Variants in EIF3H observed in about 807,000 individuals in gnomAD.
The protein encoded by EIF3H is eIF-3-gamma.
A neutral mutation model predicts 44.2 loss-of-function variants in EIF3H; 26 were observed. The observed-to-expected ratio is 0.59, with a 90% CI of 0.43 to 0.82. EIF3H has a LOEUF of 0.82. EIF3H is among the 40% of genes least tolerant of loss of function. The pLI, the probability that EIF3H is intolerant of heterozygous loss-of-function variation, is 0.00. For synonymous variants in EIF3H, 166 were observed against 151.9 expected, an observed-to-expected ratio of 1.09 and a Z score of -0.68; for missense variants, 359 against 432.8, an observed-to-expected ratio of 0.83 and a Z score of 1.51.
At chr8:116,713,118 A>G (rs1814602765) in intron 2 of EIF3H, among the ~76,000 whole-genome samples, 1 of 152,154 alleles carries the variant, frequency 6.6e-6, no homozygotes, top group Non-Finnish European at 1.5e-5. Flanking sequence ...CAAAAGTAAG[A>G]CAGTTTTTAT....
At chr8:116,685,340 A>C (rs1478901866) in intron 2 of EIF3H, among the ~76,000 whole-genome samples, 1 of 152,178 alleles carries the variant, frequency 6.6e-6, no homozygotes, top group Non-Finnish European at 1.5e-5. Context: ...CATAAGAAAG[A>C]ACTAGGTAGC....
intron 4 of EIF3H, 110 bp from the exon 5 acceptor site, chr8:116,656,115 T>C: frequency 3.1e-6 from 3 of 964,020 alleles, no homozygotes; most frequent in Non-Finnish European, 4.5e-6. Context: ...CTTTGTTTCA[T>C]TAGCACTCTT....
rs1404487024 is a variant in EIF3H at position 116,763,993 on chromosome 8, A to G, written c.-27+1522T>C. Among the ~76,000 whole-genome samples the G allele has an allele frequency of 2.6e-5, 4 of 152,214 alleles. No individual in the cohort carries two copies. The East Asian group carries it at 7.7e-4, about 29-fold the overall frequency. On this transcript the variant is annotated intron_variant, in intron 1 of 9. Transcript: ENST00000276682. ...CTCATGTCAACTTGGCTTCATCAAA[A>G]TTTCATGAAGAAAAAAACTTCAAAA...
chr8:116,715,622 G>C (rs766944250), intron 2 of EIF3H, among the ~76,000 whole-genome samples: 1 of 152,048 alleles, frequency 6.6e-6, no homozygotes, highest in Admixed American at 6.6e-5. Context: ...GCAAAATAAA[G>C]TAAGCTTCCT....
intron 2 of EIF3H, chr8:116,688,931 T>A: frequency 7.1e-6 from 2 of 282,222 alleles, no homozygotes; most frequent in Non-Finnish European, 1.4e-5. Context: ...AGTTACCATA[T>A]GACCCAGCAA....
chr8:116,759,729 G>A (rs188497903), upstream of EIF3H, among the ~76,000 whole-genome samples: 173 of 152,028 alleles, frequency 1.1e-3, no homozygotes, highest in African/African-American at 3.3e-3. Context: ...GTGCGTGTGC[G>A]CGCGCACACA....
intron 2 of EIF3H, among the ~76,000 whole-genome samples, chr8:116,662,654 T>C (rs1813602480): frequency 6.6e-6 from 1 of 152,026 alleles, no homozygotes; most frequent in South Asian, 2.1e-4. Flanking sequence ...TTTCAAAAAG[T>C]AGAAAGCCAA....
In EIF3H at chr8:116,644,767, T is replaced by C; in HGVS notation, c.*239A>G. 1 of 443,390 alleles carries C rather than the reference T, an allele frequency of 2.3e-6. No individual in the cohort carries two copies. 27.5% of individuals were successfully genotyped at this position (443,390 alleles called of 1,614,324 possible). The stretch of plus-strand genomic sequence containing the variant: ...CAGGGCTTGTTTTAGCTTTTAGAAA[T>C]AAACAAGTATAAGCAAACAAAAGTA... On this transcript the variant is annotated 3_prime_UTR_variant, in exon 8 of 8. Coordinates refer to ENST00000521861, the MANE Select transcript of EIF3H (RefSeq NM_003756.3).
intron 1 of EIF3H, among the ~76,000 whole-genome samples, chr8:116,743,799 A>AC (rs1563659950): frequency 2.3e-3 from 196 of 87,054 alleles, no homozygotes; most frequent in East Asian, 0.018. Context: ...TATATATATA[A>AC]ACACACACAC....
At chr8:116,709,981 G>A (rs1325400236) in intron 2 of EIF3H, among the ~76,000 whole-genome samples, 1 of 152,176 alleles carries the variant, frequency 6.6e-6, no homozygotes, top group Non-Finnish European at 1.5e-5. Flanking sequence ...AGTTGGACTG[G>A]TTACAAAGGA....
chr8:116,642,543 T>G lies in EIF3H; in HGVS notation c.*2463A>C, dbSNP rs994702142. ...TTATTATCAATGATTAGAAAGTTAATGTCAAATATCTTCTACTTTCTTGGT... is the reference window on the plus strand; with the variant it reads ...TTATTATCAATGATTAGAAAGTTAAGGTCAAATATCTTCTACTTTCTTGGT... On this transcript the variant is annotated 3_prime_UTR_variant, in exon 8 of 8. Coordinates refer to ENST00000521861, the MANE Select transcript of EIF3H (RefSeq NM_003756.3). 1 of 150,944 alleles carries G rather than the reference T, an allele frequency of 6.6e-6. No homozygotes were observed. Among genetic ancestry groups the G allele is most frequent in the Non-Finnish European group, 1.5e-5 (1 of 68,030 alleles). The allele number at this position is 150,944 out of a possible 1,614,324, so 9.4% of individuals were successfully genotyped here.
intron 1 of EIF3H, among the ~76,000 whole-genome samples, chr8:116,754,666 C>T (rs1815410900): frequency 6.6e-6 from 1 of 152,190 alleles, no homozygotes; most frequent in Non-Finnish European, 1.5e-5. Flanking sequence ...GCTAACTTGC[C>T]TTAAAGTCAC....
intron 6 of EIF3H, 144 bp from the exon 7 acceptor site, chr8:116,646,747 C>G: frequency 8.7e-7 from 1 of 1,155,788 alleles, no homozygotes; most frequent in South Asian, 1.5e-5. Flanking sequence ...TGGTAACTTG[C>G]GTCTAAGAAG....
At chr8:116,752,741 GAAAGA>G (rs1337360839) in intron 1 of EIF3H, among the ~76,000 whole-genome samples, 8 of 102,184 alleles carry the variant, frequency 7.8e-5, no homozygotes, top group African/African-American at 2.8e-4. Flanking sequence ...AGAAGAGAAA[GAAAGA>G]AAGAAAGAGG....
intron 2 of EIF3H, among the ~76,000 whole-genome samples, chr8:116,665,597 T>C (rs900315224): frequency 1.3e-5 from 2 of 152,104 alleles, no homozygotes; most frequent in African/African-American, 4.8e-5. Context: ...TTTCAACAAA[T>C]ACGACAGGGA....
At position 116,657,245 on chromosome 8, in the gene EIF3H, A is replaced by C. The variant is rs765145580; in HGVS notation, c.527T>G (p.Val176Gly). ...AGGGGAAAAATCCTTTTCTTTACAAACTTCCATCAGTTTAGGAGTCAGTCT... is the reference window on the plus strand; with the variant it reads ...AGGGGAAAAATCCTTTTCTTTACAACCTTCCATCAGTTTAGGAGTCAGTCT... ...AYRLTPKLME[V>G]CKEKDFSPEA... The change falls in exon 4 of 8, where the codon GTT (valine) becomes GGT (glycine). Residue 176 changes from valine to glycine, a missense_variant. By Grantham distance (109) the Val-to-Gly change is moderately radical. Around this residue, in one of 5 missense-constraint regions of EIF3H, gnomAD observed 85 missense variants for 79.2 expected, o/e 1.07. Coordinates refer to ENST00000521861, the MANE Select transcript of EIF3H (RefSeq NM_003756.3). 2 of 1,613,724 alleles carry C rather than the reference A, an allele frequency of 1.2e-6. No individual in the cohort carries two copies. The highest frequency in any genetic ancestry group is 1.7e-6 in the Non-Finnish European group (2 of 1,179,724).
At chr8:116,752,736 A>AAGG (rs1435243692) in intron 1 of EIF3H, among the ~76,000 whole-genome samples, 1,856 of 87,082 alleles carry the variant, frequency 0.021, 51 homozygotes, top group East Asian at 0.04. Context: ...AAGAAAGAAG[A>AAGG]GAAAGAAAGA....
intron 1 of EIF3H, among the ~76,000 whole-genome samples, chr8:116,744,183 C>CG (rs760035580): frequency 2.8e-5 from 4 of 144,584 alleles, no homozygotes; most frequent in Non-Finnish European, 6.0e-5. Flanking sequence ...AATCAGATGG[C>CG]GACAGGGAGA....
At chr8:116,654,907 C>CTT (rs11403704) in intron 5 of EIF3H, among the ~76,000 whole-genome samples, 164 of 148,520 alleles carry the variant, frequency 1.1e-3, no homozygotes, top group Admixed American at 2.0e-3. Context: ...AGTCTGTACA[C>CTT]TTTTTTTTTT....
Sources: gnomAD v4.1 joint callset for allele counts (sites outside exome capture counted in the v4.1 genomes callset) on GRCh38, gnomAD v4.1.1 for gene constraint, gnomAD v4.1.1 regional missense constraint, MANE v1.5 for transcripts, NCBI Gene and HGNC (gene_info 2026-07-23, HGNC 2026-07-21) for gene names.